Variants in KIAA1549L observed in about 807,000 individuals in gnomAD.
KIAA1549L encodes UPF0606 protein KIAA1549L.
KIAA1549L carries 88 observed loss-of-function variants against 160.7 expected under a neutral mutation model. The ratio of observed to expected loss-of-function variants is 0.55; its 90% confidence interval spans 0.46 to 0.65. The LOEUF (loss-of-function observed/expected upper bound fraction) is 0.65, where lower values mean the gene tolerates loss of function less well. Among genes scored for constraint, KIAA1549L ranks in the 30% least tolerant of loss-of-function variants. The probability of loss-of-function intolerance (pLI) is 0.00; values close to 1 mark genes in which losing one functional copy is unlikely to be tolerated. For missense variants in KIAA1549L, 2,258 were observed against 2,437.5 expected, an observed-to-expected ratio of 0.93 and a Z score of 1.55; for synonymous variants, 950 against 976.7, an observed-to-expected ratio of 0.97 and a Z score of 0.51.
chr11:33,504,942 T>G (rs1174387271), intron 1 of KIAA1549L, among the ~76,000 whole-genome samples: 1 of 152,080 alleles, frequency 6.6e-6, no homozygotes, highest in African/African-American at 2.4e-5. Context: ...ACTTTTTGTA[T>G]TTTTTGTAGA....
intron 16 of KIAA1549L, among the ~76,000 whole-genome samples, chr11:33,642,597 G>A (rs954789393): frequency 6.6e-6 from 1 of 151,580 alleles, no homozygotes; most frequent in Non-Finnish European, 1.5e-5. Flanking sequence ...TGAGTGGTTT[G>A]GGGGGGTGGA....
chr11:33,409,639 T>TTTTTAGAAA (rs1850746782), intron 1 of KIAA1549L, among the ~76,000 whole-genome samples: 1 of 152,220 alleles, frequency 6.6e-6, no homozygotes, highest in East Asian at 1.9e-4. Flanking sequence ...CTTTCTCTTC[T>TTTTTAGAAA]CACTCATTTA....
chr11:33,614,540 A>C (rs1334671120), intron 15 of KIAA1549L, among the ~76,000 whole-genome samples: 1,861 of 6,632 alleles, frequency 0.28, 491 homozygotes, highest in Non-Finnish European at 0.32. Flanking sequence ...AGATATATAT[A>C]TATATATATA....
At chr11:33,502,490 CAAGTT>C (rs949323850) in intron 1 of KIAA1549L, among the ~76,000 whole-genome samples, 1 of 152,146 alleles carries the variant, frequency 6.6e-6, no homozygotes. Context: ...TTCAGTTTCT[CAAGTT>C]GAGTTGACCA....
intron 8 of KIAA1549L, among the ~76,000 whole-genome samples, chr11:33,564,359 C>T (rs1396247590): frequency 2.0e-5 from 3 of 152,320 alleles, no homozygotes; most frequent in Admixed American, 2.0e-4. Context: ...ATTCTCTTTT[C>T]TATAGTTTGT....
chr11:33,668,255 GTCTTT>G lies in KIAA1549L; in HGVS notation c.*102_*106del, dbSNP rs1852553431. ...GGACTTGAGACATAGCAATGGGTGA[GTCTTT>G]CTCACCCTCCATTTCTGAAAAGGTG... On this transcript the variant is annotated 3_prime_UTR_variant, in exon 21 of 21. Transcript: ENST00000658780. 2.4e-5 allele frequency: 26 copies of G among 1,083,424 alleles called. No individual in the cohort carries two copies. Among genetic ancestry groups the G allele is most frequent in the Non-Finnish European group, 3.2e-5 (24 of 754,250 alleles). 67.1% of individuals were successfully genotyped at this position (1,083,424 alleles called of 1,614,324 possible).
At chr11:33,396,915 A>G (rs1037434869) in intron 1 of KIAA1549L, among the ~76,000 whole-genome samples, 9 of 149,580 alleles carry the variant, frequency 6.0e-5, no homozygotes, top group Admixed American at 2.0e-4. Context: ...GCGCCATTGC[A>G]CTCCAGCCTT....
chr11:33,592,883 C>T (rs1367099213), intron 12 of KIAA1549L, among the ~76,000 whole-genome samples: 4 of 152,122 alleles, frequency 2.6e-5, no homozygotes, highest in South Asian at 4.1e-4. Flanking sequence ...GAGGAATGTA[C>T]GAAACAGATG....
chr11:33,602,473 G>A (rs768256348), intron 13 of KIAA1549L, among the ~76,000 whole-genome samples: 12 of 152,286 alleles, frequency 7.9e-5, no homozygotes, highest in East Asian at 3.9e-4. Flanking sequence ...GAAAAAGCAC[G>A]TGTTGGATAA....
At chr11:33,504,216 G>A (rs1853024881) in intron 1 of KIAA1549L, among the ~76,000 whole-genome samples, 1 of 151,948 alleles carries the variant, frequency 6.6e-6, no homozygotes, top group African/African-American at 2.4e-5. Context: ...AGCTGAGATT[G>A]CGCTACTGCA....
chr11:33,604,051 A>G (rs1379596761), intron 13 of KIAA1549L, among the ~76,000 whole-genome samples: 1 of 152,204 alleles, frequency 6.6e-6, no homozygotes, highest in African/African-American at 2.4e-5. Context: ...TTTTAGGGAT[A>G]GAGGGAGAAG....
intron 3 of KIAA1549L, among the ~76,000 whole-genome samples, chr11:33,545,593 A>G (rs1051176469): frequency 1.3e-5 from 2 of 152,202 alleles, no homozygotes; most frequent in African/African-American, 4.8e-5. Flanking sequence ...ATACTGCTCA[A>G]CATCTTACAA....
intron 1 of KIAA1549L, among the ~76,000 whole-genome samples, chr11:33,447,043 C>T (rs540718085): frequency 6.6e-6 from 1 of 152,268 alleles, no homozygotes; most frequent in African/African-American, 2.4e-5. Context: ...ACAAAAAGTG[C>T]CATGATGGAG....
chr11:33,514,736 G>A (rs1436308451), intron 1 of KIAA1549L, among the ~76,000 whole-genome samples: 1 of 152,058 alleles, frequency 6.6e-6, no homozygotes, highest in African/African-American at 2.4e-5. Flanking sequence ...TTACCATCTG[G>A]GATTTTTTAG....
chr11:33,424,751 G>A (rs1346976997), intron 1 of KIAA1549L, among the ~76,000 whole-genome samples: 1 of 152,200 alleles, frequency 6.6e-6, no homozygotes, highest in Non-Finnish European at 1.5e-5. Flanking sequence ...CCAGGAGAAT[G>A]ATGATCTTTG....
chr11:33,544,312 T>C lies in KIAA1549L; in HGVS notation c.2749T>C (p.Ser917Pro), dbSNP rs1441864460. ...PRTSSRVLRA[S>P]QHPKKWTADT... ...GACCTCCTCCAGAGTGCTGCGGGCT[T>C]CTCAGCACCCCAAGAAATGGACAGG... Residue 917 changes from serine to proline, a missense_variant, in exon 2 of 21, where the codon TCT becomes CCT. Coordinates refer to ENST00000658780, the MANE Select transcript of KIAA1549L (RefSeq NM_012194.3). 1.2e-6 allele frequency: 2 copies of C among 1,613,856 alleles called. No homozygotes were observed. Among genetic ancestry groups the C allele is most frequent in the African/African-American group, 2.7e-5 (2 of 74,926 alleles).
intron 16 of KIAA1549L, among the ~76,000 whole-genome samples, chr11:33,623,956 T>TGCCCATTTTTTCCC (rs1386103498): frequency 6.6e-6 from 1 of 152,230 alleles, no homozygotes; most frequent in Admixed American, 6.5e-5. Flanking sequence ...TGCCTGCCCA[T>TGCCCATTTTTTCCC]GCCCATTTTT....
intron 16 of KIAA1549L, among the ~76,000 whole-genome samples, chr11:33,631,109 C>A (rs1851274997): frequency 6.6e-6 from 1 of 152,204 alleles, no homozygotes; most frequent in Admixed American, 6.5e-5. Flanking sequence ...CCATTACTCA[C>A]CACTGCTGAA....
intron 1 of KIAA1549L, among the ~76,000 whole-genome samples, chr11:33,385,043 C>T (rs557819356): frequency 3.0e-4 from 46 of 151,770 alleles, no homozygotes; most frequent in Non-Finnish European, 4.1e-4. Flanking sequence ...ATAGAAATTG[C>T]CTAATGTGTG....
Sources: gnomAD v4.1 joint callset for allele counts (sites outside exome capture counted in the v4.1 genomes callset) on GRCh38, gnomAD v4.1.1 for gene constraint, MANE v1.5 for transcripts, NCBI Gene and HGNC (gene_info 2026-07-23, HGNC 2026-07-21) for gene names.